PSMA1: variants seen among roughly 807,000 people sequenced by gnomAD.
PSMA1 encodes proteasome subunit alpha type-1.
PSMA1 carries 3 observed loss-of-function variants against 38.4 expected under a neutral mutation model. The observed-to-expected ratio is 0.08, with a 90% CI of 0.04 to 0.20. The LOEUF is 0.20. Among genes scored for constraint, PSMA1 ranks in the 10% least tolerant of loss-of-function variants. The pLI, the probability that PSMA1 is intolerant of heterozygous loss-of-function variation, is 1.00. For missense variants in PSMA1, 227 were observed against 325.3 expected (o/e 0.70, Z 2.32); for synonymous variants, 101 against 107.1 (o/e 0.94, Z 0.35).
At chr11:14,643,512 C>T (rs1853249308) in exon 1 of PSMA1, 1 of 152,240 alleles carries the variant, frequency 6.6e-6, no homozygotes, top group South Asian at 2.1e-4. Context: ...CCCTCCCGTC[C>T]GAAGATGACC....
At chr11:14,634,177 C>G (rs1284694028) in intron 1 of PSMA1, among the ~76,000 whole-genome samples, 1 of 152,140 alleles carries the variant, frequency 6.6e-6, no homozygotes, top group African/African-American at 2.4e-5. Flanking sequence ...GGAATAGTTT[C>G]ATCCCAAAAT....
intron 2 of PSMA1, among the ~76,000 whole-genome samples, chr11:14,540,475 CA>C (rs1377811640): frequency 1.3e-5 from 2 of 152,118 alleles, no homozygotes; most frequent in African/African-American, 4.8e-5. Flanking sequence ...GCAGAAAGAT[CA>C]AAAAAGCCCT....
intron 2 of PSMA1, among the ~76,000 whole-genome samples, chr11:14,545,037 G>T (rs1851811241): frequency 6.6e-6 from 1 of 152,186 alleles, no homozygotes; most frequent in South Asian, 2.1e-4. Context: ...GAGTGGAGTA[G>T]AGAGTAACAG....
chr11:14,573,259 C>T (rs1201968960), intron 2 of PSMA1, among the ~76,000 whole-genome samples: 2 of 152,114 alleles, frequency 1.3e-5, no homozygotes, highest in Middle Eastern at 3.2e-3. Context: ...TGCAAATATC[C>T]TCAATAAAAT....
At chr11:14,607,208 C>T (rs1852653920) in intron 2 of PSMA1, among the ~76,000 whole-genome samples, 1 of 152,206 alleles carries the variant, frequency 6.6e-6, no homozygotes, top group South Asian at 2.1e-4. Flanking sequence ...GAAAGAAACA[C>T]TGGAGTAGAG....
chr11:14,593,613 TGAGA>T (rs59225796), intron 2 of PSMA1, among the ~76,000 whole-genome samples: 10,568 of 98,772 alleles, frequency 0.11, 808 homozygotes, highest in Non-Finnish European at 0.13. Flanking sequence ...GGAGGAAAAA[TGAGA>T]GAGAGAGAGA....
intron 2 of PSMA1, among the ~76,000 whole-genome samples, chr11:14,563,588 A>G (rs1395515812): frequency 1.3e-5 from 2 of 152,220 alleles, no homozygotes; most frequent in Non-Finnish European, 2.9e-5. Flanking sequence ...GTTTTCAAGC[A>G]ATGGATTAAG....
At chr11:14,518,021 T>A in intron 2 of PSMA1, 40 bp from the exon 3 acceptor site, 1 of 1,383,138 alleles carries the variant, frequency 7.2e-7, no homozygotes, top group Non-Finnish European at 9.9e-7. Flanking sequence ...TCTTAGAAGA[T>A]CTTTTATAAA....
intron 1 of PSMA1, among the ~76,000 whole-genome samples, chr11:14,630,839 C>T (rs1852994969): frequency 6.6e-6 from 1 of 152,142 alleles, no homozygotes; most frequent in South Asian, 2.1e-4. Flanking sequence ...GCCACAATTT[C>T]AGCTCCTGTT....
In PSMA1 at chr11:14,579,509, T is replaced by TTC. The variant is rs746024063; in HGVS notation, c.21+31456_21+31457insGA. ...GACTTTTTTTTTTTTTTTTTTTTTT[T>TTC]AAATAAGGTAACATTAACAGGGGCC... On this transcript the variant is annotated intron_variant, in intron 2 of 10. Transcript: ENST00000418988. 1.3e-3 allele frequency among the ~76,000 whole-genome samples: 161 copies of TTC among 125,386 alleles called. 4 individuals are homozygous for TTC. Among genetic ancestry groups the TTC allele is most frequent in the South Asian group, 4.5e-3 (18 of 3,972 alleles). 82.3% of individuals were successfully genotyped at this position (125,386 alleles called of 152,430 possible).
chr11:14,561,252 T>G (rs1347298271), intron 2 of PSMA1, among the ~76,000 whole-genome samples: 2 of 152,236 alleles, frequency 1.3e-5, no homozygotes, highest in African/African-American at 4.8e-5. Context: ...TCCTTCACCA[T>G]GCTGACTCAA....
chr11:14,633,420 G>A (rs540113522), intron 1 of PSMA1, among the ~76,000 whole-genome samples: 1 of 152,096 alleles, frequency 6.6e-6, no homozygotes, highest in East Asian at 1.9e-4. Context: ...GTGTGCCCCT[G>A]CTGGGGGGTG....
At chr11:14,546,593 A>G (rs912576271) in intron 2 of PSMA1, among the ~76,000 whole-genome samples, 1 of 151,992 alleles carries the variant, frequency 6.6e-6, no homozygotes, top group Non-Finnish European at 1.5e-5. Context: ...GTGTGTCACC[A>G]TGCCCGGCTA....
intron 9 of PSMA1, among the ~76,000 whole-genome samples, chr11:14,507,247 C>T (rs990825469): frequency 6.6e-6 from 1 of 151,920 alleles, no homozygotes; most frequent in African/African-American, 2.4e-5. Flanking sequence ...CAGCTCACTG[C>T]AACCTCCGCC....
chr11:14,520,184 C>T (rs1273323982), intron 1 of PSMA1, 113 bp downstream of exon 1: 14 of 1,509,740 alleles, frequency 9.3e-6, no homozygotes, highest in Non-Finnish European at 1.2e-5. Flanking sequence ...TCTGCCGAGG[C>T]TCTCATACCT....
intron 2 of PSMA1, among the ~76,000 whole-genome samples, chr11:14,579,986 G>T (rs1189947639): frequency 1.3e-5 from 2 of 152,206 alleles, no homozygotes; most frequent in Middle Eastern, 3.2e-3. Flanking sequence ...TCTGTCTGCA[G>T]TGATAATGGA....
At chr11:14,518,505 C>T (rs1335933954) in intron 2 of PSMA1, among the ~76,000 whole-genome samples, 2 of 152,262 alleles carry the variant, frequency 1.3e-5, no homozygotes, top group East Asian at 1.9e-4. Context: ...TGAACACATC[C>T]GTTGTCTCAC....
rs374243163 is a variant in PSMA1, at chr11:14,638,506, C to CCT, written c.-166+4947_-166+4948dup. On this transcript the variant is annotated intron_variant, in intron 1 of 10. Transcript: ENST00000418988. ...TAAGTTGGCTTAGTGGAGAAACACACCTCTCTCTCTCTCTCTCTCTCTCTC... is the reference window on the plus strand; with the variant it reads ...TAAGTTGGCTTAGTGGAGAAACACACCTCTCTCTCTCTCTCTCTCTCTCTCTC... 4.0e-3 allele frequency among the ~76,000 whole-genome samples: 129 copies of CCT among 31,884 alleles called. 2 individuals are homozygous for CCT. Among genetic ancestry groups the CCT allele is most frequent in the African/African-American group, 4.3e-3 (35 of 8,084 alleles). 20.9% of individuals were successfully genotyped at this position (31,884 alleles called of 152,430 possible).
At chr11:14,622,312 A>C (rs1852857335) in intron 1 of PSMA1, among the ~76,000 whole-genome samples, 1 of 152,160 alleles carries the variant, frequency 6.6e-6, no homozygotes, top group African/African-American at 2.4e-5. Context: ...TTAGATAATA[A>C]TTTTCAATTA....
Sources: gnomAD v4.1 joint callset for allele counts (sites outside exome capture counted in the v4.1 genomes callset) on GRCh38, gnomAD v4.1.1 for gene constraint, MANE v1.5 for transcripts, NCBI Gene and HGNC (gene_info 2026-07-23, HGNC 2026-07-21) for gene names.